The following FOXN3 variants were observed in gnomAD, a reference collection of about 807,000 sequenced individuals.
FOXN3 encodes the protein forkhead box protein N3.
A neutral mutation model predicts 38.4 loss-of-function variants in FOXN3; 7 were observed. The ratio of observed to expected loss-of-function variants is 0.18; its 90% CI spans 0.10 to 0.34. FOXN3 has a LOEUF of 0.34. Among genes scored for constraint, FOXN3 ranks in the 10% least tolerant of loss-of-function variants. The pLI is 1.00. For synonymous variants in FOXN3, 230 were observed against 242.2 expected (o/e 0.95, Z 0.47); for missense variants, 456 against 613.4 (o/e 0.74, Z 2.71).
intron 4 of FOXN3, among the ~76,000 whole-genome samples, chr14:89,262,564 T>C (rs1000431210): frequency 1.3e-5 from 2 of 152,180 alleles, no homozygotes; most frequent in Non-Finnish European, 2.9e-5. Context: ...TCAGGACATG[T>C]GGGTAACTAA....
intron 3 of FOXN3, among the ~76,000 whole-genome samples, chr14:89,325,814 C>A (rs147095001): frequency 0.011 from 1,701 of 152,248 alleles, 17 homozygotes; most frequent in Non-Finnish European, 0.016. Flanking sequence ...TGATGCTCTG[C>A]CCCTGGGGGC....
At chr14:89,203,827 C>A (rs1420987338) in intron 4 of FOXN3, among the ~76,000 whole-genome samples, 1 of 152,064 alleles carries the variant, frequency 6.6e-6, no homozygotes, top group African/African-American at 2.4e-5. Flanking sequence ...CCACCCAGAG[C>A]ACCCCACAGA....
At chr14:89,528,161 A>G (rs1041253635) in intron 1 of FOXN3, among the ~76,000 whole-genome samples, 2 of 152,174 alleles carry the variant, frequency 1.3e-5, no homozygotes, top group African/African-American at 4.8e-5. Context: ...TTCCAATCTT[A>G]GGTATATATC....
chr14:89,484,910 G>T lies in FOXN3; in HGVS notation c.-14-72420C>A, dbSNP rs1466224119. ...CCTAGCACTTTGGAGAACGTGCCTT[G>T]GGAGGCCAAGGCAGGAGGATCACTT... On this transcript the variant is annotated intron_variant, in intron 1 of 6. Coordinates refer to the FOXN3 transcript ENST00000345097. The surrounding 1 kb of genome is among the most constrained non-coding windows in gnomAD (Gnocchi z 4.0). Among the ~76,000 whole-genome samples, 1 of 152,110 alleles carries T rather than the reference G, an allele frequency of 6.6e-6. No individual in the cohort carries two copies. Among genetic ancestry groups the T allele is most frequent in the Admixed American group, 6.5e-5 (1 of 15,284 alleles).
Position 89,168,424 on chromosome 14 carries a change from G to C in FOXN3, c.852-5455C>G, listed in dbSNP as rs1887297922. ...TGAAGAGGAAGCGCTTGAGCCCAGG[G>C]GATCAAGACTAGCCTGGGCAACATA... On this transcript the variant is annotated intron_variant, in intron 5 of 5. Coordinates refer to ENST00000557258, the MANE Select transcript of FOXN3 (RefSeq NM_005197.4). 3.9e-5 allele frequency among the ~76,000 whole-genome samples: 6 copies of C among 152,108 alleles called. No individual in the cohort carries two copies. In the South Asian group the frequency reaches 1.2e-3, roughly 32 times the overall value.
intron 1 of FOXN3, among the ~76,000 whole-genome samples, chr14:89,532,390 T>C (rs1894587831): frequency 6.6e-6 from 1 of 152,216 alleles, no homozygotes; most frequent in African/African-American, 2.4e-5. Context: ...AGCTTTCTTG[T>C]TGACAAGGTA....
Position 89,446,181 on chromosome 14 carries a change from TTTTTTTTTTTTTTTC to T in FOXN3, c.-14-33706_-14-33692del, listed in dbSNP as rs1007933190. Among the ~76,000 whole-genome samples the T allele has an allele frequency of 1.4e-3, 104 of 76,220 alleles. 2 individuals carry two copies. The highest frequency in any genetic ancestry group is 5.0e-3 in the African/African-American group (102 of 20,430). 50.0% of individuals were successfully genotyped at this position (76,220 alleles called of 152,430 possible). On this transcript the variant is annotated intron_variant, in intron 1 of 6. Coordinates refer to the FOXN3 transcript ENST00000345097. ...TTTTCTCTCCTTCCTAAAAGTCTTT[TTTTTTTTTTTTTTTC>T]TTTTTTTTTTGAGACAGAGTCTCAC... is the stretch of plus-strand genomic sequence containing the variant.
chr14:89,343,806 A>C (rs1888688462), intron 3 of FOXN3, among the ~76,000 whole-genome samples: 1 of 151,638 alleles, frequency 6.6e-6, no homozygotes, highest in Admixed American at 6.6e-5. Flanking sequence ...TCTGTTGCCC[A>C]GGGTGGAGTG....
intron 3 of FOXN3, among the ~76,000 whole-genome samples, chr14:89,310,691 A>G (rs1887512454): frequency 6.6e-6 from 1 of 152,216 alleles, no homozygotes; most frequent in South Asian, 2.1e-4. Context: ...TTTGGGCACC[A>G]TATATACCAC....
intron 3 of FOXN3, among the ~76,000 whole-genome samples, chr14:89,338,512 G>A (rs4904550): frequency 0.7 from 106,250 of 152,138 alleles, 39,080 homozygotes; most frequent in East Asian, 0.83. Context: ...GTATGCAGCC[G>A]GCTGGGCGCG....
intron 2 of FOXN3, among the ~76,000 whole-genome samples, chr14:89,374,737 T>C (rs1358685798): frequency 1.3e-5 from 2 of 152,018 alleles, no homozygotes; most frequent in Non-Finnish European, 2.9e-5. Context: ...TTTGGGAGGC[T>C]GAGGCACGCA....
At chr14:89,282,884 A>G (rs561431410) in intron 3 of FOXN3, among the ~76,000 whole-genome samples, 9 of 152,342 alleles carry the variant, frequency 5.9e-5, no homozygotes, top group Non-Finnish European at 1.0e-4. Context: ...TCTGTATGAT[A>G]AAGATTCTTA....
At chr14:89,221,247 T>C (rs533795752) in intron 4 of FOXN3, among the ~76,000 whole-genome samples, 118 of 152,342 alleles carry the variant, frequency 7.7e-4, no homozygotes, top group Non-Finnish European at 1.4e-3. Flanking sequence ...CGAAGTGTCT[T>C]AGGCTAGCAT....
chr14:89,428,626 C>A (rs1261795477), intron 1 of FOXN3, among the ~76,000 whole-genome samples: 1 of 152,240 alleles, frequency 6.6e-6, no homozygotes, highest in East Asian at 1.9e-4. Flanking sequence ...GAACATGTTT[C>A]CTCTATGCCT....
At chr14:89,330,413 G>A (rs1888213675) in intron 3 of FOXN3, among the ~76,000 whole-genome samples, 1 of 152,198 alleles carries the variant, frequency 6.6e-6, no homozygotes, top group Non-Finnish European at 1.5e-5. Context: ...CTCATTTCTG[G>A]CTCACCCCGA....
At chr14:89,281,670 C>T (rs1886465114) in intron 3 of FOXN3, among the ~76,000 whole-genome samples, 2 of 152,074 alleles carry the variant, frequency 1.3e-5, no homozygotes, top group Non-Finnish European at 2.9e-5. Context: ...AGACACTTAC[C>T]GCATTCATAG....
rs928574884 is a variant in FOXN3, at chr14:89,602,385, A to G, written c.-15+16643T>C. Among the ~76,000 whole-genome samples, 58 of 152,230 alleles carry G rather than the reference A, an allele frequency of 3.8e-4. 1 individual carries two copies. The highest frequency in any genetic ancestry group is 1.4e-3 in the African/African-American group (57 of 41,558). ...ATAAATATGGTCTGCATCCCTAAAT[A>G]TGTCAGCAGGTATCTCCCTAGAACA... On this transcript the variant is annotated intron_variant, in intron 1 of 6. Coordinates refer to the FOXN3 transcript ENST00000345097.
chr14:89,506,641 G>A (rs931657064), intron 1 of FOXN3, among the ~76,000 whole-genome samples: 1 of 152,162 alleles, frequency 6.6e-6, no homozygotes, highest in African/African-American at 2.4e-5. Flanking sequence ...ACAGCTCATT[G>A]AGAACGGGCC....
rs544760753 is a variant in FOXN3, at chr14:89,392,217, G to A, written c.543+19717C>T. 1.2e-4 allele frequency among the ~76,000 whole-genome samples: 19 copies of A among 152,284 alleles called. No individual in the cohort carries two copies. In the East Asian group the frequency reaches 1.5e-3, roughly 12 times the overall value. ...CAAATCTATCACCAGCCCCCACTGC[G>A]TGGCTGTGAGCACCTCTCTGGATCG... is the stretch of plus-strand genomic sequence containing the variant. On this transcript the variant is annotated intron_variant, in intron 2 of 5. Transcript: ENST00000557258.
Sources: allele counts gnomAD v4.1 joint callset (sites outside exome capture counted in the v4.1 genomes callset), GRCh38; gene constraint gnomAD v4.1.1; non-coding constraint Gnocchi (gnomAD v3.1); transcripts MANE v1.5; gene names NCBI Gene and HGNC (gene_info 2026-07-23, HGNC 2026-07-21).